Variants in RIPK1 observed in about 807,000 individuals in gnomAD.
RIPK1 encodes receptor interacting serine/threonine kinase 1.
RIPK1 carries 27 observed loss-of-function variants against 62.4 expected under a neutral mutation model. That is an observed-to-expected ratio of 0.43 (90% CI 0.32 to 0.60). The LOEUF is 0.60. Among genes scored for constraint, RIPK1 ranks in the 20% least tolerant of loss-of-function variants. RIPK1 has a pLI of 0.07. For missense variants in RIPK1, 735 were observed against 831.0 expected (o/e 0.88, Z 1.42); for synonymous variants, 287 against 303.2 (o/e 0.95, Z 0.55).
chr6:3,098,158 C>T (rs1234980732), intron 7 of RIPK1, among the ~76,000 whole-genome samples: 2 of 116,100 alleles, frequency 1.7e-5, no homozygotes, highest in Non-Finnish European at 3.1e-5. Context: ...GCCTGGGTTA[C>T]TGAATGAGAC....
chr6:3,086,926 T>C lies in RIPK1; in HGVS notation c.838+1518T>C, dbSNP rs116511610. 5.8e-3 allele frequency among the ~76,000 whole-genome samples: 884 copies of C among 152,292 alleles called. 7 individuals carry two copies. The highest frequency in any genetic ancestry group is 0.021 in the African/African-American group (854 of 41,552). Reference sequence around the variant, plus strand: ...GCCCCCATTCTGAAGTTGCCTAGTTTTCTGACCCCACCCAAAAGACACTCT... The same window carrying C: ...GCCCCCATTCTGAAGTTGCCTAGTTCTCTGACCCCACCCAAAAGACACTCT... On this transcript the variant is annotated intron_variant, in intron 6 of 10. Transcript: ENST00000259808.
intron 1 of RIPK1, among the ~76,000 whole-genome samples, chr6:3,073,967 T>C (rs1758917576): frequency 6.6e-6 from 1 of 152,280 alleles, no homozygotes; most frequent in Non-Finnish European, 1.5e-5. Context: ...GTCTGACTTT[T>C]TGATGTATTT....
chr6:3,109,938 G>C (rs1259520681), intron 9 of RIPK1, among the ~76,000 whole-genome samples: 1 of 152,152 alleles, frequency 6.6e-6, no homozygotes, highest in Non-Finnish European at 1.5e-5. Context: ...CAAGCTTCAT[G>C]CATGTTGTAG....
In RIPK1 at chr6:3,104,316, GT is replaced by G; in HGVS notation, c.1006+2del. The stretch of plus-strand genomic sequence containing the variant: ...GTACCTTCAAGCCGGTCAAATTCAG[GT>G]AAATTACACTATGGTCAAAATCTAT... On this transcript the variant is annotated splice_donor_variant, in intron 8 of 10. Transcript: ENST00000259808. LOFTEE classifies it high-confidence loss of function. The G allele has an allele frequency of 6.6e-7, 1 of 1,505,028 alleles. No homozygotes were observed. Among genetic ancestry groups the G allele is most frequent in the Non-Finnish European group, 9.2e-7 (1 of 1,082,252 alleles). 93.2% of individuals were successfully genotyped at this position (1,505,028 alleles called of 1,614,324 possible). A position where few individuals can be genotyped will look rare whatever the true frequency, so the allele number is the denominator to read the frequency against.
Position 3,095,913 on chromosome 6 carries a change from C to T in RIPK1, c.915+6256C>T, listed in dbSNP as rs149193004. On this transcript the variant is annotated intron_variant, in intron 7 of 10. Transcript: ENST00000259808. ...AGGCTGGAGTGCAGTGGCGTGATCA[C>T]GGCTTACTGTATCCTTGACCTCCCA... 5.8e-3 allele frequency among the ~76,000 whole-genome samples: 873 copies of T among 150,930 alleles called. 7 individuals carry two copies. The highest frequency in any genetic ancestry group is 9.9e-3 in the Non-Finnish European group (673 of 67,896).
intron 1 of RIPK1, among the ~76,000 whole-genome samples, chr6:3,074,305 A>G (rs1038734458): frequency 7.2e-5 from 11 of 152,224 alleles, no homozygotes; most frequent in Admixed American, 3.3e-4. Context: ...ATGCTTTTGT[A>G]TAAGGCGACT....
At chr6:3,090,916 C>T (rs1186520945) in intron 7 of RIPK1, among the ~76,000 whole-genome samples, 1 of 25,288 alleles carries the variant, frequency 4.0e-5, no homozygotes, top group Admixed American at 3.6e-4. Context: ...GTAACCGCAG[C>T]GCGCCTACCT....
At chr6:3,082,150 A>T (rs1371482575) in intron 4 of RIPK1, among the ~76,000 whole-genome samples, 1 of 152,140 alleles carries the variant, frequency 6.6e-6, no homozygotes, top group African/African-American at 2.4e-5. Flanking sequence ...GGGGAAGCGG[A>T]AGGGGAAGCA....
intron 10 of RIPK1, 119 bp from the exon 11 acceptor site, chr6:3,112,934 T>G: frequency 1.3e-6 from 1 of 799,692 alleles, no homozygotes; most frequent in South Asian, 2.5e-5. Flanking sequence ...AACTAAGAAG[T>G]TATCTTTTTC....
chr6:3,106,628 T>C (rs946429062), intron 9 of RIPK1, among the ~76,000 whole-genome samples: 1 of 152,244 alleles, frequency 6.6e-6, no homozygotes. Context: ...GAACAGCATC[T>C]ACCAATGATA....
chr6:3,068,441 C>G (rs948190795), upstream of RIPK1: 9 of 985,418 alleles, frequency 9.1e-6, no homozygotes, highest in Non-Finnish European at 1.1e-5. Context: ...GCGGCGCTCT[C>G]GCGGTCCTCC....
At chr6:3,066,271 G>A (rs111308103), upstream of RIPK1, among the ~76,000 whole-genome samples, 1,566 of 152,280 alleles carry the variant, frequency 0.01, 31 homozygotes, top group African/African-American at 0.035. Context: ...CAATCCGCCC[G>A]ACTTGGCCTC....
At chr6:3,065,264 C>CAAAAAAAAAAAAA (rs57722248), upstream of RIPK1, among the ~76,000 whole-genome samples, 6 of 40,620 alleles carry the variant, frequency 1.5e-4, no homozygotes, top group African/African-American at 6.8e-4. Flanking sequence ...GACTCCGTCT[C>CAAAAAAAAAAAAA]AAAAAAAAAA....
chr6:3,115,113 T>C lies in RIPK1; in HGVS notation c.*1774T>C, dbSNP rs1015434900. The C allele has an allele frequency of 6.6e-6, 1 of 151,776 alleles. No homozygotes were observed. The highest frequency in any genetic ancestry group is 2.4e-5 in the African/African-American group (1 of 41,248). 9.4% of individuals were successfully genotyped at this position (151,776 alleles called of 1,614,324 possible). A position where few individuals can be genotyped will look rare whatever the true frequency, so the allele number is the denominator to read the frequency against. Reference sequence around the variant, plus strand: ...TCAAATCTCTTAGATTCCAAAGAGGTTGAATAATTAATGTTCAAAGGCAAG... The same window carrying C: ...TCAAATCTCTTAGATTCCAAAGAGGCTGAATAATTAATGTTCAAAGGCAAG... On this transcript the variant is annotated 3_prime_UTR_variant, in exon 11 of 11. Transcript: ENST00000259808.
intron 2 of RIPK1, 58 bp from the exon 3 acceptor site, chr6:3,077,721 C>G: frequency 1.3e-6 from 2 of 1,589,810 alleles, no homozygotes; most frequent in East Asian, 2.2e-5. Context: ...GAGGTGTGCA[C>G]CAGGCTCTTG....
At position 3,085,399 on chromosome 6, in the gene RIPK1, A is replaced by T; in HGVS notation, c.829A>T (p.Thr277Ser). Reference sequence around the variant, plus strand: ...GGAAGCGAATCCGGAAGCTCGGCCGACATTTCCTGGTAAGAGCATCTTTTC... The same window carrying T: ...GGAAGCGAATCCGGAAGCTCGGCCGTCATTTCCTGGTAAGAGCATCTTTTC... ...CWEANPEARP[T>S]FPGIEEKFRP... Residue 277 changes from threonine to serine, a missense_variant, in exon 6 of 11, where the codon ACA becomes TCA. Physicochemically the swap from Thr to Ser is moderately conservative, Grantham distance 58. This residue lies in a region of RIPK1 where 671 missense variants were observed against 726.2 expected (regional missense o/e 0.92). Coordinates refer to ENST00000259808, the MANE Select transcript of RIPK1 (RefSeq NM_001354930.2). The T allele has an allele frequency of 6.2e-7, 1 of 1,614,186 alleles. No individual in the cohort carries two copies. The highest frequency in any genetic ancestry group is 8.5e-7 in the Non-Finnish European group (1 of 1,180,014).
Position 3,097,149 on chromosome 6 carries a change from G to T in RIPK1, c.916-7076G>T, listed in dbSNP as rs528363231. On this transcript the variant is annotated intron_variant, in intron 7 of 10. Transcript: ENST00000259808. Reference sequence around the variant, plus strand: ...GCCTCCCAAAGGGCTGGGATTACAGGTGTGAGCCACCACGCCCAGCCTATA... The same window carrying T: ...GCCTCCCAAAGGGCTGGGATTACAGTTGTGAGCCACCACGCCCAGCCTATA... 1.6e-4 allele frequency among the ~76,000 whole-genome samples: 24 copies of T among 152,290 alleles called. 1 individual carries two copies. The highest frequency in any genetic ancestry group is 7.4e-5 in the Non-Finnish European group (5 of 68,018).
At chr6:3,102,961 C>A (rs529179244) in intron 7 of RIPK1, among the ~76,000 whole-genome samples, 156 of 152,252 alleles carry the variant, frequency 1.0e-3, no homozygotes, top group African/African-American at 3.6e-3. Context: ...ATATTCCCCA[C>A]CAGCAATGCA....
chr6:3,085,468 A>G (rs976436021), intron 6 of RIPK1, 60 bp downstream of exon 6: 9 of 1,570,200 alleles, frequency 5.7e-6, no homozygotes, highest in African/African-American at 1.3e-5. Context: ...TCCTAGTAAC[A>G]TATTGTTAGG....
Sources: allele counts gnomAD v4.1 joint callset (sites outside exome capture counted in the v4.1 genomes callset), GRCh38; gene constraint gnomAD v4.1.1; regional missense constraint gnomAD v4.1.1; transcripts MANE v1.5; gene names NCBI Gene and HGNC (gene_info 2026-07-23, HGNC 2026-07-21).